The following AMPH variants were observed in gnomAD, a reference collection of about 807,000 sequenced individuals.
AMPH encodes the protein amphiphysin.
AMPH carries 49 observed loss-of-function variants against 99.1 expected under a neutral mutation model. The ratio of observed to expected loss-of-function variants is 0.49; its 90% CI spans 0.39 to 0.63. The LOEUF (loss-of-function observed/expected upper bound fraction) is 0.63. Ranked by LOEUF, AMPH falls within the 20% of genes least tolerant of loss-of-function variation. The pLI, the probability that AMPH is intolerant of heterozygous loss-of-function variation, is 0.00. For missense variants in AMPH, 759 were observed against 863.4 expected, an observed-to-expected ratio of 0.88 and a Z score of 1.52; for synonymous variants, 314 against 317.3, an observed-to-expected ratio of 0.99 and a Z score of 0.11.
At chr7:38,567,971 T>C (rs1562832250) in intron 1 of AMPH, among the ~76,000 whole-genome samples, 1 of 152,140 alleles carries the variant, frequency 6.6e-6, no homozygotes, top group Admixed American at 6.6e-5. Flanking sequence ...CATATTTATA[T>C]TTTCCTGTTA....
Position 38,515,575 on chromosome 7 carries a change from T to C in AMPH, c.151-11871A>G, listed in dbSNP as rs541097071. Among the ~76,000 whole-genome samples the C allele has an allele frequency of 2.1e-4, 32 of 152,282 alleles. No homozygotes were observed. The South Asian group carries it at 6.4e-3, about 31-fold the overall frequency. On this transcript the variant is annotated intron_variant, in intron 2 of 20. Coordinates refer to ENST00000356264, the MANE Select transcript of AMPH (RefSeq NM_001635.4). ...CCTCTTTTCTTTATAAATTACCCAG[T>C]TTCAGGTAGTTCTTCATAGCAGTGA...
intron 1 of AMPH, among the ~76,000 whole-genome samples, chr7:38,630,153 A>C (rs1173618512): frequency 6.6e-6 from 1 of 152,202 alleles, no homozygotes; most frequent in Non-Finnish European, 1.5e-5. Context: ...GGAAAACGCT[A>C]AACACCCCAT....
At chr7:38,511,666 T>A (rs1288579986) in intron 2 of AMPH, among the ~76,000 whole-genome samples, 1 of 152,238 alleles carries the variant, frequency 6.6e-6, no homozygotes, top group African/African-American at 2.4e-5. Flanking sequence ...ATTGTAATTA[T>A]GGATTGCCAT....
Position 38,466,244 on chromosome 7 carries a change from C to G in AMPH, c.595G>C (p.Val199Leu). 6.3e-7 allele frequency: 1 copy of G among 1,590,052 alleles called. No homozygotes were observed. Among genetic ancestry groups the G allele is most frequent in the South Asian group, 1.2e-5 (1 of 86,476 alleles). Residue 199 changes from valine (V) to leucine (L), a missense_variant, in exon 8 of 21, where the codon GTT becomes CTT. Physicochemically the swap from Val to Leu is conservative, Grantham distance 32 (BLOSUM62 1). Coordinates refer to ENST00000356264, the MANE Select transcript of AMPH (RefSeq NM_001635.4). ...TTGAAAGTATTAACATAAAATCCAA[C>G]TCGTCTGCCATGTGGAAACACAAAG... Reference protein sequence around the residue: ...EELPSLWSRRVGFYVNTFKNV... With the variant: ...EELPSLWSRRLGFYVNTFKNV...
intron 1 of AMPH, among the ~76,000 whole-genome samples, chr7:38,580,799 C>A (rs1792424175): frequency 6.6e-6 from 1 of 152,106 alleles, no homozygotes; most frequent in African/African-American, 2.4e-5. Context: ...TCCATTTATG[C>A]CCAAAGCACC....
intron 17 of AMPH, among the ~76,000 whole-genome samples, chr7:38,408,719 T>C (rs963237347): frequency 1.6e-4 from 23 of 142,244 alleles, no homozygotes; most frequent in African/African-American, 5.3e-4. Flanking sequence ...CCACTGCACT[T>C]CAGCCTGGGT....
chr7:38,402,701 C>A (rs1372656229), intron 17 of AMPH, among the ~76,000 whole-genome samples: 1 of 152,152 alleles, frequency 6.6e-6, no homozygotes, highest in Non-Finnish European at 1.5e-5. Flanking sequence ...GGGGTAGATG[C>A]GAGTTGTCTC....
At chr7:38,582,614 G>T (rs1440892851) in intron 1 of AMPH, among the ~76,000 whole-genome samples, 3 of 152,180 alleles carry the variant, frequency 2.0e-5, no homozygotes, top group Non-Finnish European at 4.4e-5. Context: ...TCTAATATGG[G>T]AAATACTAAT....
intron 11 of AMPH, among the ~76,000 whole-genome samples, chr7:38,457,032 A>T (rs1787262346): frequency 6.6e-6 from 1 of 152,242 alleles, no homozygotes; most frequent in African/African-American, 2.4e-5. Flanking sequence ...ACACTACTAC[A>T]TGTGGCCAAA....
intron 3 of AMPH, 145 bp downstream of exon 3, chr7:38,503,505 G>GCT: frequency 2.0e-6 from 1 of 495,164 alleles, no homozygotes; most frequent in Non-Finnish European, 3.3e-6. Flanking sequence ...CGGGGGGGTG[G>GCT]GTGGTGGAAT....
intron 16 of AMPH, among the ~76,000 whole-genome samples, chr7:38,418,905 C>T (rs1275336806): frequency 6.6e-6 from 1 of 152,000 alleles, no homozygotes; most frequent in Non-Finnish European, 1.5e-5. Flanking sequence ...TATAAACTAA[C>T]AGCAAGCCAT....
intron 14 of AMPH, among the ~76,000 whole-genome samples, 187 bp from the exon 15 acceptor site, chr7:38,427,173 C>CA (rs3056199): frequency 0.64 from 94,542 of 147,076 alleles, 30,834 homozygotes; most frequent in Non-Finnish European, 0.74. Flanking sequence ...AATAGGCTGA[C>CA]AAAAAAAAAA....
At chr7:38,393,880 TG>T in intron 18 of AMPH, 124 bp downstream of exon 18, 1 of 819,400 alleles carries the variant, frequency 1.2e-6, no homozygotes, top group Non-Finnish European at 2.0e-6. Flanking sequence ...TGTTGTTTGG[TG>T]GAGTCACAAA....
At chr7:38,573,812 T>G (rs1202938986) in intron 1 of AMPH, among the ~76,000 whole-genome samples, 1 of 152,266 alleles carries the variant, frequency 6.6e-6, no homozygotes, top group Non-Finnish European at 1.5e-5. Flanking sequence ...GTATGGAACC[T>G]GCTTTGTGCC....
chr7:38,628,224 T>A (rs1455264928), intron 1 of AMPH, among the ~76,000 whole-genome samples: 4 of 152,218 alleles, frequency 2.6e-5, no homozygotes, highest in Admixed American at 2.0e-4. Flanking sequence ...ATGAAATTAA[T>A]CATGAACAAA....
intron 7 of AMPH, among the ~76,000 whole-genome samples, chr7:38,469,631 C>T (rs1333449384): frequency 6.6e-6 from 1 of 152,158 alleles, no homozygotes; most frequent in Non-Finnish European, 1.5e-5. Flanking sequence ...TAATGGCACT[C>T]ATATTAAACC....
At chr7:38,629,538 G>T (rs930381729) in intron 1 of AMPH, among the ~76,000 whole-genome samples, 7 of 152,204 alleles carry the variant, frequency 4.6e-5, no homozygotes, top group African/African-American at 1.7e-4. Flanking sequence ...CTCCGTAAGA[G>T]ATTAGGTTTT....
intron 11 of AMPH, among the ~76,000 whole-genome samples, chr7:38,436,993 A>G (rs1252386613): frequency 5.9e-5 from 9 of 152,160 alleles, no homozygotes; most frequent in Non-Finnish European, 1.0e-4. Context: ...AACGGGAGGG[A>G]GAGAGGAGAG....
intron 1 of AMPH, among the ~76,000 whole-genome samples, chr7:38,566,947 T>C (rs1333760664): frequency 6.6e-6 from 1 of 152,212 alleles, no homozygotes; most frequent in African/African-American, 2.4e-5. Context: ...GGTGGGCGTG[T>C]AAATTAGTTC....
Sources: allele counts gnomAD v4.1 joint callset (sites outside exome capture counted in the v4.1 genomes callset), GRCh38; gene constraint gnomAD v4.1.1; transcripts MANE v1.5; gene names NCBI Gene and HGNC (gene_info 2026-07-23, HGNC 2026-07-21).